ZNF253: variants seen among roughly 807,000 people sequenced by gnomAD.
ZNF253 encodes DNA-binding protein.
A neutral mutation model predicts 11.9 loss-of-function variants in ZNF253; 8 were observed. That is an observed-to-expected ratio of 0.67 (90% CI 0.40 to 1.22). The LOEUF (loss-of-function observed/expected upper bound fraction) is 1.22. ZNF253 is among the 50% of genes most tolerant of loss of function. ZNF253 has a pLI of 0.01. For synonymous variants in ZNF253, 194 were observed against 194.9 expected (o/e 1.00, Z 0.04); for missense variants, 485 against 586.9 (o/e 0.83, Z 1.79).
rs1401871700 is a variant in ZNF253, at chr19:19,893,094, C to G, written c.*347C>G. The G allele has an allele frequency of 5.0e-6, 1 of 199,596 alleles. No individual in the cohort carries two copies. Among genetic ancestry groups the G allele is most frequent in the African/African-American group, 2.4e-5 (1 of 42,532 alleles). 12.4% of individuals were successfully genotyped at this position (199,596 alleles called of 1,614,324 possible). ...CTGGGTTTAAGCCATTCTTCTGCCT[C>G]AGCCTCCCAAGTAGCTGGGATTACA... On this transcript the variant is annotated 3_prime_UTR_variant, in exon 4 of 4. Coordinates refer to ENST00000589717, the MANE Select transcript of ZNF253 (RefSeq NM_021047.3).
At chr19:19,874,848 T>A (rs1260306567) in intron 1 of ZNF253, among the ~76,000 whole-genome samples, 1 of 145,438 alleles carries the variant, frequency 6.9e-6, no homozygotes, top group African/African-American at 2.5e-5. Flanking sequence ...GGAGGCGGAG[T>A]TTGCAGTTAG....
chr19:19,878,397 C>T, intron 1 of ZNF253, 84 bp from the exon 2 acceptor site: 1 of 1,607,746 alleles, frequency 6.2e-7, no homozygotes, highest in East Asian at 2.2e-5. Flanking sequence ...AACCAGTTCT[C>T]TTTACTCTCT....
chr19:19,880,359 T>C (rs2063172895), intron 3 of ZNF253, among the ~76,000 whole-genome samples: 1 of 150,202 alleles, frequency 6.7e-6, no homozygotes, highest in African/African-American at 2.4e-5. Context: ...TCTCCTTTGG[T>C]GAGCTTCCTT....
rs763806209 is a variant in ZNF253, at chr19:19,892,561, T to C, written c.1314T>C (p.Thr438=). The C allele has an allele frequency of 2.5e-6, 4 of 1,608,268 alleles. No homozygotes were observed. The African/African-American group carries it at 5.5e-5, about 22-fold the overall frequency. Residue 438 remains threonine, a synonymous_variant, in exon 4 of 4, where the codon ACT becomes ACC. Transcript: ENST00000589717. ...GCAAATCCTTTACTGCATCCTCAACTCTAACTACACATAAGAGAATTCATA... is the reference window on the plus strand; with the variant it reads ...GCAAATCCTTTACTGCATCCTCAACCCTAACTACACATAAGAGAATTCATA... ...ECGKSFTASS[T]LTTHKRIHTG... is the part of the protein sequence containing the mutation.
intron 3 of ZNF253, among the ~76,000 whole-genome samples, chr19:19,885,274 T>TC (rs1457483405): frequency 3.7e-5 from 2 of 53,660 alleles, no homozygotes; most frequent in African/African-American, 6.3e-4. Flanking sequence ...TTTCTTTCTT[T>TC]CTTTCTTTCT....
At chr19:19,890,081 C>T in intron 3 of ZNF253, among the ~76,000 whole-genome samples, 1 of 152,172 alleles carries the variant, frequency 6.6e-6, no homozygotes, top group Admixed American at 6.6e-5. Context: ...CAGGCATTAA[C>T]AAAAAGCTAC....
At position 19,885,267 on chromosome 19, in the gene ZNF253, CTTT is replaced by C. The variant is rs1568498700; in HGVS notation, c.226+5122_226+5124del. 3.7e-4 allele frequency among the ~76,000 whole-genome samples: 21 copies of C among 56,744 alleles called. 3 individuals carry two copies. Among genetic ancestry groups the C allele is most frequent in the African/African-American group, 3.6e-3 (14 of 3,894 alleles). 37.2% of individuals were successfully genotyped at this position (56,744 alleles called of 152,430 possible). ...TCTTTCTTTCTTTCTTTCTTTCTTT[CTTT>C]CTTTCTTTCTTTCTTTCTTTCTCTT... On this transcript the variant is annotated intron_variant, in intron 3 of 3. Transcript: ENST00000589717.
chr19:19,892,322 A>C lies in ZNF253; in HGVS notation c.1075A>C (p.Lys359Gln), dbSNP rs1468188541. The change falls in exon 4 of 4, where the codon AAG becomes CAG. Residue 359 changes from lysine (K) to glutamine (Q), a missense_variant. This residue lies in a region of ZNF253 where 232 missense variants were observed against 321.4 expected (regional missense o/e 0.72). Coordinates refer to ENST00000589717, the MANE Select transcript of ZNF253 (RefSeq NM_021047.3). The stretch of plus-strand genomic sequence containing the variant: ...CCTATCCTCACACCTTACTACACAT[A>C]AGATACTTCATACTGGAGAGAAACC... The part of the protein sequence containing the change: ...FHLSSHLTTH[K>Q]ILHTGEKPYR... The C allele has an allele frequency of 6.2e-7, 1 of 1,611,780 alleles. No individual in the cohort carries two copies. The highest frequency in any genetic ancestry group is 1.3e-5 in the African/African-American group (1 of 74,860).
chr19:19,884,891 G>A (rs1390164623), intron 3 of ZNF253, among the ~76,000 whole-genome samples: 2 of 152,042 alleles, frequency 1.3e-5, no homozygotes, highest in Admixed American at 6.5e-5. Flanking sequence ...CTACAAATTA[G>A]TAATTTTGTG....
At chr19:19,888,708 T>C (rs533900952) in intron 3 of ZNF253, among the ~76,000 whole-genome samples, 1 of 149,942 alleles carries the variant, frequency 6.7e-6, no homozygotes, top group South Asian at 2.1e-4. Context: ...ATCTTTTGCA[T>C]TTTAGAGAAT....
intron 1 of ZNF253, among the ~76,000 whole-genome samples, chr19:19,872,471 C>G (rs542139664): frequency 1.4e-5 from 2 of 147,402 alleles, no homozygotes; most frequent in South Asian, 2.1e-4. Context: ...ATGTATTCAT[C>G]TCTTGAAACT....
At chr19:19,877,638 G>A (rs923347243) in intron 1 of ZNF253, among the ~76,000 whole-genome samples, 1 of 152,102 alleles carries the variant, frequency 6.6e-6, no homozygotes. Context: ...GCCTCCCAAA[G>A]TGCTGAAATT....
At chr19:19,887,448 T>C (rs2335366) in intron 3 of ZNF253, among the ~76,000 whole-genome samples, 56,882 of 151,816 alleles carry the variant, frequency 0.37, 12,997 homozygotes, top group East Asian at 0.65. Flanking sequence ...AGGCATCTGC[T>C]ACCACACCTG....
chr19:19,869,978 T>C (rs1235189495), intron 1 of ZNF253, among the ~76,000 whole-genome samples: 3 of 151,892 alleles, frequency 2.0e-5, no homozygotes, highest in Non-Finnish European at 4.4e-5. Flanking sequence ...TTTTCTACAA[T>C]AGTATGAACA....
chr19:19,870,476 A>G (rs1216317461), intron 1 of ZNF253, among the ~76,000 whole-genome samples: 2 of 152,092 alleles, frequency 1.3e-5, no homozygotes, highest in Non-Finnish European at 2.9e-5. Context: ...TGTCCAAAGA[A>G]AATTTACTAC....
At chr19:19,890,627 A>G in intron 3 of ZNF253, among the ~76,000 whole-genome samples, 1 of 150,052 alleles carries the variant, frequency 6.7e-6, no homozygotes, top group East Asian at 2.0e-4. Flanking sequence ...AGTTGAAGCA[A>G]TTCTCCTGCC....
In ZNF253 at chr19:19,892,278, A is replaced by C. The variant is rs1393109577; in HGVS notation, c.1031A>C (p.Glu344Ala). The C allele has an allele frequency of 1.9e-6, 3 of 1,611,844 alleles. No homozygotes were observed. Among genetic ancestry groups the C allele is most frequent in the Non-Finnish European group, 2.5e-6 (3 of 1,178,312 alleles). Residue 344 changes from glutamate to alanine, a missense_variant, in exon 4 of 4, where the codon GAA becomes GCA. Physicochemically the swap from Glu to Ala is moderately radical, Grantham distance 107. Transcript: ENST00000589717. ...HTGEKPYKCE[E>A]CGKAFHLSSH... ...GGAGAGAAACCCTACAAATGTGAAG[A>C]ATGTGGCAAAGCCTTTCACCTATCC...
chr19:19,883,372 G>A (rs1568497910), intron 3 of ZNF253, among the ~76,000 whole-genome samples: 2 of 152,028 alleles, frequency 1.3e-5, no homozygotes, highest in African/African-American at 4.8e-5. Context: ...AGGATTTTGC[G>A]AGGCCAAGGC....
intron 3 of ZNF253, among the ~76,000 whole-genome samples, chr19:19,885,291 CTCTTTCTTTTCTTTCTTTCTTT>C (rs2063198500): frequency 8.1e-5 from 2 of 24,768 alleles, no homozygotes; most frequent in Non-Finnish European, 1.3e-4. Context: ...TTCTTTCTTT[CTCTTTCTTTTCTTTCTTTCTTT>C]CTTTCTTTCT....
Sources: allele counts gnomAD v4.1 joint callset (sites outside exome capture counted in the v4.1 genomes callset), GRCh38; gene constraint gnomAD v4.1.1; regional missense constraint gnomAD v4.1.1; transcripts MANE v1.5; gene names NCBI Gene and HGNC (gene_info 2026-07-23, HGNC 2026-07-21).